The following DNMT3A variants were observed in gnomAD, a reference collection of about 807,000 sequenced individuals.
The protein encoded by DNMT3A is DNA methyltransferase 3 alpha.
Under a neutral mutation model 117.6 loss-of-function variants are expected in DNMT3A, and 267 were observed. That is an observed-to-expected ratio of 2.27 (90% CI 2.05 to 2.51). The LOEUF is 2.51. DNMT3A is among the 30% of genes most tolerant of loss of function. DNMT3A has a pLI of 0.00. For synonymous variants in DNMT3A, 432 were observed against 474.8 expected (o/e 0.91, Z 1.17); for missense variants, 1,029 against 1,260.2 (o/e 0.82, Z 2.78).
intron 1 of DNMT3A, among the ~76,000 whole-genome samples, chr2:25,325,900 G>A (rs2149442044): frequency 6.6e-6 from 1 of 152,310 alleles, no homozygotes; most frequent in South Asian, 2.1e-4. Context: ...GATAACTAAG[G>A]ATTCAGGTCC....
chr2:25,234,221 G>A lies in DNMT3A; in HGVS notation c.*58C>T. 3 of 1,561,696 alleles carry A rather than the reference G, an allele frequency of 1.9e-6. No homozygotes were observed. Among genetic ancestry groups the A allele is most frequent in the Non-Finnish European group, 2.6e-6 (3 of 1,147,704 alleles). ...TGTTCTTGGTGTTTTATTATGTTTT[G>A]TGTTTTTTGTTTGTTTGTTTAACTT... On this transcript the variant is annotated 3_prime_UTR_variant, in exon 23 of 23. Transcript: ENST00000321117. This position sits in a 1 kb window ranked among gnomAD's most constrained non-coding sequence, Gnocchi z 4.5.
intron 6 of DNMT3A, among the ~76,000 whole-genome samples, chr2:25,248,555 A>T (rs950212556): frequency 1.1e-4 from 17 of 148,272 alleles, no homozygotes; most frequent in East Asian, 7.9e-4. Context: ...TTATTTATTT[A>T]TTTTTTTTTT....
At chr2:25,246,392 G>T in intron 10 of DNMT3A, 83 bp from the exon 11 acceptor site, 1 of 1,509,534 alleles carries the variant, frequency 6.6e-7, no homozygotes, top group Non-Finnish European at 8.9e-7. Flanking sequence ...TTACAGTGGG[G>T]TGCGGCCTGG....
At chr2:25,251,120 G>A (rs1229036394) in intron 6 of DNMT3A, among the ~76,000 whole-genome samples, 1 of 147,066 alleles carries the variant, frequency 6.8e-6, no homozygotes, top group Non-Finnish European at 1.5e-5. Flanking sequence ...GCCTCCATCA[G>A]GACTGGGGCA....
intron 2 of DNMT3A, among the ~76,000 whole-genome samples, chr2:25,300,724 T>TACAC (rs1558722823): frequency 5.4e-5 from 1 of 18,610 alleles, no homozygotes; most frequent in African/African-American, 3.0e-4. Flanking sequence ...TATATATATA[T>TACAC]ATATATATAT....
At position 25,306,473 on chromosome 2, in the gene DNMT3A, G is replaced by A. The variant is rs1321218975; in HGVS notation, c.73-6230C>T. Among the ~76,000 whole-genome samples the A allele has an allele frequency of 6.6e-6, 1 of 152,206 alleles. No homozygotes were observed. The highest frequency in any genetic ancestry group is 2.4e-5 in the African/African-American group (1 of 41,450). On this transcript the variant is annotated intron_variant, in intron 2 of 22. Transcript: ENST00000321117. This position sits in a 1 kb window ranked among gnomAD's most constrained non-coding sequence, Gnocchi z 4.1. ...AAAGGCCACTCTCCTGGAGGGGAGG[G>A]GCCGTGTCTCATTGGCGCCTCTGAG...
intron 1 of DNMT3A, among the ~76,000 whole-genome samples, chr2:25,330,429 G>A (rs1006871585): frequency 7.9e-5 from 12 of 152,062 alleles, no homozygotes; most frequent in African/African-American, 2.7e-4. Context: ...GCCCCGCTGC[G>A]AAGCCATCTT....
At chr2:25,262,091 G>A (rs1676667251) in intron 6 of DNMT3A, among the ~76,000 whole-genome samples, 1 of 151,240 alleles carries the variant, frequency 6.6e-6, no homozygotes, top group African/African-American at 2.4e-5. Flanking sequence ...TCGGGAGGCT[G>A]AGGCAGGAGA....
chr2:25,241,483 G>A, intron 17 of DNMT3A, 79 bp downstream of exon 17: 1 of 1,518,784 alleles, frequency 6.6e-7, no homozygotes. Context: ...TGAACAAAAT[G>A]AAAGGAGGCA....
rs1558751556 is a variant in DNMT3A, at chr2:25,337,117, T to A, written c.-178+4709A>T. ...AAGTGCTGCTGCACTCAAGACAGGA[T>A]GAGAATAACGAGCTGAAACTACAGC... On this transcript the variant is annotated intron_variant, in intron 1 of 22. Coordinates refer to ENST00000321117, the MANE Select transcript of DNMT3A (RefSeq NM_022552.5). This position sits in a 1 kb window ranked among gnomAD's most constrained non-coding sequence, Gnocchi z 5.0. Among the ~76,000 whole-genome samples, 1 of 152,124 alleles carries A rather than the reference T, an allele frequency of 6.6e-6. No individual in the cohort carries two copies. Among genetic ancestry groups the A allele is most frequent in the Non-Finnish European group, 1.5e-5 (1 of 68,026 alleles).
In DNMT3A at chr2:25,240,732, T is replaced by C. The variant is rs761987159; in HGVS notation, c.2083-2A>G. ...ATCGAATGGGCCCCACTCCTGGATC[T>C]GGGAGGATAAAGGCAACGTGATGGG... is the stretch of plus-strand genomic sequence containing the variant. On this transcript the variant is annotated splice_acceptor_variant, in intron 17 of 22. Transcript: ENST00000321117. LOFTEE classifies it high-confidence loss of function. 6 of 1,613,952 alleles carry C rather than the reference T, an allele frequency of 3.7e-6. No homozygotes were observed. The highest frequency in any genetic ancestry group is 1.7e-5 in the Admixed American group (1 of 60,004).
intron 2 of DNMT3A, among the ~76,000 whole-genome samples, chr2:25,307,073 A>G (rs1339987142): frequency 6.6e-6 from 1 of 152,242 alleles, no homozygotes; most frequent in Non-Finnish European, 1.5e-5. Context: ...TCTGACCATC[A>G]TCCTGCTCTG....
chr2:25,277,594 C>T (rs1439234088), intron 4 of DNMT3A, among the ~76,000 whole-genome samples: 1 of 152,220 alleles, frequency 6.6e-6, no homozygotes. Flanking sequence ...TGCATTTTCT[C>T]CCCAGCCCGC....
In DNMT3A at chr2:25,337,951, T is replaced by G. The variant is rs1023623359; in HGVS notation, c.-178+3875A>C. ...CGGGCTCTCTGCTCACATACTAATA[T>G]TCAAACAAAAGTAGAAGCTATTCCC... On this transcript the variant is annotated intron_variant, in intron 1 of 22. Transcript: ENST00000321117. This position sits in a 1 kb window ranked among gnomAD's most constrained non-coding sequence, Gnocchi z 5.0. Among the ~76,000 whole-genome samples, 1 of 152,100 alleles carries G rather than the reference T, an allele frequency of 6.6e-6. No individual in the cohort carries two copies. Among genetic ancestry groups the G allele is most frequent in the East Asian group, 1.9e-4 (1 of 5,184 alleles).
chr2:25,245,467 C>A, intron 12 of DNMT3A, 135 bp from the exon 13 acceptor site: 1 of 733,126 alleles, frequency 1.4e-6, no homozygotes. Flanking sequence ...CAGGGTGCCC[C>A]ACGGAAAAGG....
chr2:25,293,330 C>T lies in DNMT3A; in HGVS notation c.177+6809G>A, dbSNP rs990205035. Among the ~76,000 whole-genome samples the T allele has an allele frequency of 1.1e-4, 17 of 152,254 alleles. No individual in the cohort carries two copies. The highest frequency in any genetic ancestry group is 3.9e-4 in the East Asian group (2 of 5,172). ...GCATGTGCTCATGCTCAGGGATGAACGCCATGCTCATGGGTGCCAGAGCCA... is the reference window on the plus strand; with the variant it reads ...GCATGTGCTCATGCTCAGGGATGAATGCCATGCTCATGGGTGCCAGAGCCA... On this transcript the variant is annotated intron_variant, in intron 3 of 22. Transcript: ENST00000321117. The surrounding 1 kb of genome is among the most constrained non-coding windows in gnomAD (Gnocchi z 4.7).
At chr2:25,341,975 C>A, upstream of DNMT3A, 3 of 973,160 alleles carry the variant, frequency 3.1e-6, no homozygotes, top group Non-Finnish European at 2.4e-6. Context: ...CTCGCTCCCT[C>A]CCTCCGCTCG....
rs1249739687 is a variant in DNMT3A at position 25,300,635 on chromosome 2, A to AG, written c.73-393_73-392insC. Among the ~76,000 whole-genome samples the AG allele has an allele frequency of 3.6e-4, 32 of 89,058 alleles. 1 individual carries two copies. In the South Asian group the frequency reaches 9.7e-3, roughly 27 times the overall value. 58.4% of individuals were successfully genotyped at this position (89,058 alleles called of 152,430 possible). On this transcript the variant is annotated intron_variant, in intron 2 of 22. Transcript: ENST00000321117. ...TAATATATTATTTAGATATCTAAAT[A>AG]ATATATTATTTAGATATCTAAATAA...
At position 25,314,089 on chromosome 2, in the gene DNMT3A, T is replaced by C. The variant is rs1185166499; in HGVS notation, c.-105A>G. 25 of 1,438,134 alleles carry C rather than the reference T, an allele frequency of 1.7e-5. No individual in the cohort carries two copies. The East Asian group carries it at 4.3e-4, about 25-fold the overall frequency. The allele number at this position is 1,438,134 out of a possible 1,614,324, so 89.1% of individuals were successfully genotyped here. ...GGAGGCGAGAGTTAAAACTTAAACA[T>C]AGATCCCGGTGTTGAGCCCTCTGGT... On this transcript the variant is annotated 5_prime_UTR_variant, in exon 2 of 23. An upstream start codon of the reference 5' UTR is lost. Transcript: ENST00000321117.
Sources: allele counts gnomAD v4.1 joint callset (sites outside exome capture counted in the v4.1 genomes callset), GRCh38; gene constraint gnomAD v4.1.1; non-coding constraint Gnocchi (gnomAD v3.1); transcripts MANE v1.5; gene names NCBI Gene and HGNC (gene_info 2026-07-23, HGNC 2026-07-21).